Variants in ZNF804B observed in about 807,000 individuals in gnomAD.
The protein encoded by ZNF804B is zinc finger 804B.
Under a neutral mutation model 101.4 loss-of-function variants are expected in ZNF804B, and 80 were observed. That is an observed-to-expected ratio of 0.79 (90% confidence interval 0.66 to 0.95). The LOEUF is 0.95. ZNF804B is among the 40% of genes least tolerant of loss of function. The pLI is 0.00. For missense variants in ZNF804B, 1,673 were observed against 1,561.9 expected (o/e 1.07, Z -1.20); for synonymous variants, 622 against 558.8 (o/e 1.11, Z -1.59).
intron 1 of ZNF804B, among the ~76,000 whole-genome samples, chr7:88,760,887 A>G (rs2099210953): frequency 9.8e-6 from 1 of 102,014 alleles, no homozygotes; most frequent in Non-Finnish European, 1.9e-5. Flanking sequence ...TGTAATTTAT[A>G]TATATATATA....
intron 1 of ZNF804B, among the ~76,000 whole-genome samples, chr7:89,017,817 T>A (rs1481333146): frequency 6.6e-6 from 1 of 152,152 alleles, no homozygotes; most frequent in East Asian, 1.9e-4. Flanking sequence ...TTTCAGCTAG[T>A]TCCTTGTTTG....
Position 89,335,423 on chromosome 7 carries a change from A to G in ZNF804B, c.2441A>G (p.Gln814Arg). 1.2e-6 allele frequency: 2 copies of G among 1,613,854 alleles called. No homozygotes were observed. The highest frequency in any genetic ancestry group is 8.5e-7 in the Non-Finnish European group (1 of 1,179,910). Residue 814 changes from glutamine (Q) to arginine (R), a missense_variant, in exon 4 of 4, where the codon CAA becomes CGA. Physicochemically the swap from Gln to Arg is conservative, Grantham distance 43. Coordinates refer to ENST00000333190, the MANE Select transcript of ZNF804B (RefSeq NM_181646.5). ...CRERQKLGKNQQQFSGLKSTR... is the reference protein window; with the variant it reads ...CRERQKLGKNRQQFSGLKSTR... ...GAAAGACAAAAACTGGGCAAAAATC[A>G]ACAACAATTTTCAGGGCTAAAATCT...
intron 2 of ZNF804B, among the ~76,000 whole-genome samples, chr7:89,269,524 A>G (rs1036018593): frequency 6.6e-6 from 1 of 152,172 alleles, no homozygotes; most frequent in Non-Finnish European, 1.5e-5. Context: ...CAGTAAACAT[A>G]TATGTGCATG....
chr7:88,810,497 C>CA lies in ZNF804B; in HGVS notation c.108+50428dup, dbSNP rs76328821. Among the ~76,000 whole-genome samples the CA allele has an allele frequency of 3.8e-3, 498 of 132,330 alleles. 6 individuals carry two copies. The highest frequency in any genetic ancestry group is 0.014 in the Admixed American group (178 of 13,092). 86.8% of individuals were successfully genotyped at this position (132,330 alleles called of 152,430 possible). ...GCAAAACCTCATCTCTACAAAAGTC[C>CA]AAAAAAAAAAAAAAATTATCAAGGT... is the stretch of plus-strand genomic sequence containing the variant. On this transcript the variant is annotated intron_variant, in intron 1 of 3. Transcript: ENST00000333190.
chr7:89,312,183 G>A (rs879876650), intron 2 of ZNF804B, among the ~76,000 whole-genome samples: 5 of 152,038 alleles, frequency 3.3e-5, no homozygotes, highest in Non-Finnish European at 7.4e-5. Flanking sequence ...TTTCTTTCAC[G>A]CACCACATTT....
chr7:89,011,674 A>T (rs1356324358), intron 1 of ZNF804B, among the ~76,000 whole-genome samples: 1 of 152,104 alleles, frequency 6.6e-6, no homozygotes, highest in Admixed American at 6.6e-5. Flanking sequence ...ATCTCCTTTG[A>T]CTTCATGTCT....
At chr7:89,273,168 T>A (rs997098785) in intron 2 of ZNF804B, among the ~76,000 whole-genome samples, 14 of 152,192 alleles carry the variant, frequency 9.2e-5, no homozygotes, top group African/African-American at 3.4e-4. Flanking sequence ...TTTTGAGGAT[T>A]TTTTACTAAA....
intron 1 of ZNF804B, among the ~76,000 whole-genome samples, chr7:89,088,693 CT>C (rs11367715): frequency 0.075 from 11,152 of 149,380 alleles, 890 homozygotes; most frequent in African/African-American, 0.2. Context: ...AGCAAACCCC[CT>C]GTCATGCTCC....
chr7:89,152,554 T>G (rs534165874), intron 1 of ZNF804B, among the ~76,000 whole-genome samples: 1 of 152,262 alleles, frequency 6.6e-6, no homozygotes, highest in East Asian at 1.9e-4. Context: ...TAAATAATGT[T>G]TGTACATTAT....
Position 89,233,408 on chromosome 7 carries a change from ATG to A in ZNF804B, c.249+15115_249+15116del, listed in dbSNP as rs1491033268. On this transcript the variant is annotated intron_variant, in intron 2 of 3. Coordinates refer to ENST00000333190, the MANE Select transcript of ZNF804B (RefSeq NM_181646.5). ...CTCTGAACAGAAAAATAAATATATA[ATG>A]TATTTTTTATGAAATCCTCTTTTGA... is the stretch of plus-strand genomic sequence containing the variant. Among the ~76,000 whole-genome samples the A allele has an allele frequency of 5.5e-3, 821 of 149,420 alleles. 7 individuals carry two copies. The highest frequency in any genetic ancestry group is 0.019 in the African/African-American group (786 of 40,702).
At chr7:88,853,395 G>C (rs1375733738) in intron 1 of ZNF804B, among the ~76,000 whole-genome samples, 1 of 152,062 alleles carries the variant, frequency 6.6e-6, no homozygotes, top group Non-Finnish European at 1.5e-5. Flanking sequence ...TGATGTCAAG[G>C]CTCCATAAAA....
Position 89,275,916 on chromosome 7 carries a change from A to G in ZNF804B, c.250-51428A>G, listed in dbSNP as rs146455208. The stretch of plus-strand genomic sequence containing the variant: ...TTGGATTTGCAAAGACATGGAATCA[A>G]CCCAAACGCCCATCAGTGATAGACT... On this transcript the variant is annotated intron_variant, in intron 2 of 3. Transcript: ENST00000333190. Among the ~76,000 whole-genome samples the G allele has an allele frequency of 1.4e-3, 218 of 151,930 alleles. 4 individuals are homozygous for G. The highest frequency in any genetic ancestry group is 5.0e-3 in the African/African-American group (206 of 41,250).
intron 1 of ZNF804B, among the ~76,000 whole-genome samples, chr7:88,900,393 G>A (rs776094207): frequency 5.5e-4 from 84 of 151,506 alleles, no homozygotes; most frequent in African/African-American, 8.2e-4. Flanking sequence ...CTTTAAAAAA[G>A]CATGTAGAAC....
chr7:89,219,255 G>A (rs909952187), intron 2 of ZNF804B, among the ~76,000 whole-genome samples: 3 of 152,064 alleles, frequency 2.0e-5, no homozygotes, highest in Admixed American at 2.0e-4. Context: ...ATCTATTATA[G>A]TCTACATCTT....
intron 2 of ZNF804B, among the ~76,000 whole-genome samples, chr7:89,293,366 C>T (rs1304756709): frequency 2.0e-5 from 3 of 151,942 alleles, no homozygotes; most frequent in African/African-American, 4.8e-5. Flanking sequence ...ATGACATTTA[C>T]TCCAAAAGTT....
At chr7:88,792,759 T>C (rs1321173585) in intron 1 of ZNF804B, among the ~76,000 whole-genome samples, 1 of 152,118 alleles carries the variant, frequency 6.6e-6, no homozygotes, top group Non-Finnish European at 1.5e-5. Flanking sequence ...AGAATTCTCA[T>C]TTTATCTTAA....
At chr7:89,188,456 C>T (rs1241611212) in intron 1 of ZNF804B, among the ~76,000 whole-genome samples, 2 of 152,010 alleles carry the variant, frequency 1.3e-5, no homozygotes, top group Non-Finnish European at 2.9e-5. Flanking sequence ...GCAATGACCT[C>T]TAAGTGTTTA....
At chr7:89,287,687 T>C (rs1409868887) in intron 2 of ZNF804B, among the ~76,000 whole-genome samples, 1 of 151,906 alleles carries the variant, frequency 6.6e-6, no homozygotes, top group Non-Finnish European at 1.5e-5. Context: ...GATAAAACAG[T>C]CAGACTAGGA....
At chr7:89,120,091 G>A (rs1562889570) in intron 1 of ZNF804B, among the ~76,000 whole-genome samples, 1 of 151,846 alleles carries the variant, frequency 6.6e-6, no homozygotes, top group Non-Finnish European at 1.5e-5. Context: ...ATACTGTCAG[G>A]GGCACCTTTA....
Sources: allele counts gnomAD v4.1 joint callset (sites outside exome capture counted in the v4.1 genomes callset), GRCh38; gene constraint gnomAD v4.1.1; transcripts MANE v1.5; gene names NCBI Gene and HGNC (gene_info 2026-07-23, HGNC 2026-07-21).